The following MAGI1 variants were observed in gnomAD, a reference collection of about 807,000 sequenced individuals.
The protein encoded by MAGI1 is membrane associated guanylate kinase, WW and PDZ domain containing 1, also known as membrane-associated guanylate kinase, WW and PDZ domain-containing protein 1.
A neutral mutation model predicts 139.9 loss-of-function variants in MAGI1; 58 were observed. The observed-to-expected ratio is 0.41, with a 90% confidence interval of 0.34 to 0.52. The LOEUF is 0.52. Ranked by LOEUF, MAGI1 falls within the 20% of genes least tolerant of loss-of-function variation. The pLI is 0.12. For synonymous variants in MAGI1, 812 were observed against 737.9 expected (o/e 1.10, Z -1.63); for missense variants, 1,874 against 1,901.6 (o/e 0.99, Z 0.27).
In MAGI1 at chr3:65,437,260, A is replaced by G. The variant is rs1254057403; in HGVS notation, c.1271-13T>C. ...TCTTCTGTCCATTCTATGAAAAAGA[A>G]AAGAAAGTTTCCTATTTTTCCTTCA... On this transcript the variant is annotated splice_polypyrimidine_tract_variant and intron_variant, in intron 9 of 22. Coordinates refer to ENST00000402939, the MANE Select transcript of MAGI1 (RefSeq NM_001033057.2). 1.3e-6 allele frequency: 2 copies of G among 1,565,726 alleles called. No individual in the cohort carries two copies. The highest frequency in any genetic ancestry group is 2.7e-5 in the African/African-American group (2 of 73,558).
rs575258704 is a variant in MAGI1, at chr3:65,622,082, C to T, written c.320G>A (p.Arg107Lys). ...VTFKAVRQGG[R>K]LNKDLRHFLN... ...AAAATGTCGCAGGTCCTTGTTCAGC[C>T]TTCCTCCTGCAGGAAATACATAAAA... The change falls in exon 2 of 23, where the codon AGG becomes AAG. Residue 107 changes from arginine to lysine, a missense_variant. Around this residue, in one of 5 missense-constraint regions of MAGI1, gnomAD observed 648 missense variants for 598.1 expected, o/e 1.08. Transcript: ENST00000402939. 6.2e-7 allele frequency: 1 copy of T among 1,610,008 alleles called. No homozygotes were observed. The highest frequency in any genetic ancestry group is 8.5e-7 in the Non-Finnish European group (1 of 1,176,312).
At chr3:65,815,868 A>T (rs2041569524) in intron 1 of MAGI1, among the ~76,000 whole-genome samples, 1 of 152,104 alleles carries the variant, frequency 6.6e-6, no homozygotes, top group African/African-American at 2.4e-5. Context: ...ACCAAAAGCT[A>T]CTCAGCTAGT....
chr3:66,032,948 A>C (rs2068716783), intron 1 of MAGI1, among the ~76,000 whole-genome samples: 1 of 150,784 alleles, frequency 6.6e-6, no homozygotes, highest in Non-Finnish European at 1.5e-5. Context: ...CAACAACAAC[A>C]ACAGAAGATA....
At chr3:65,769,247 A>C (rs34984057) in intron 1 of MAGI1, among the ~76,000 whole-genome samples, 34,952 of 152,126 alleles carry the variant, frequency 0.23, 5,165 homozygotes, top group Non-Finnish European at 0.35. Flanking sequence ...TATGCATATA[A>C]TGGGGTTTTT....
intron 1 of MAGI1, among the ~76,000 whole-genome samples, chr3:65,751,077 T>G (rs1475833056): frequency 6.6e-6 from 1 of 152,352 alleles, no homozygotes; most frequent in East Asian, 1.9e-4. Flanking sequence ...ATGTGTTTAT[T>G]GTGTGCACAC....
intron 4 of MAGI1, among the ~76,000 whole-genome samples, chr3:65,477,934 C>T (rs868307706): frequency 6.6e-6 from 1 of 151,430 alleles, no homozygotes; most frequent in Non-Finnish European, 1.5e-5. Flanking sequence ...CATACCTAAG[C>T]TCGGAGGTAG....
chr3:65,798,732 G>T (rs1471598922), intron 1 of MAGI1, among the ~76,000 whole-genome samples: 4 of 152,150 alleles, frequency 2.6e-5, no homozygotes, highest in Admixed American at 2.6e-4. Context: ...TGCAGTTTCA[G>T]TTACCTACGG....
chr3:65,707,651 C>A (rs113418937), intron 1 of MAGI1, among the ~76,000 whole-genome samples: 34 of 144,676 alleles, frequency 2.4e-4, no homozygotes, highest in African/African-American at 8.0e-4. Flanking sequence ...GATGGGGTCA[C>A]TGCACGGCAA....
At chr3:65,966,780 CATAA>C (rs2064768349) in intron 1 of MAGI1, among the ~76,000 whole-genome samples, 1 of 152,156 alleles carries the variant, frequency 6.6e-6, no homozygotes, top group South Asian at 2.1e-4. Flanking sequence ...AGGCAATGTA[CATAA>C]AATGTCTGGC....
chr3:65,904,515 C>A (rs925431823), intron 1 of MAGI1, among the ~76,000 whole-genome samples: 6 of 152,170 alleles, frequency 3.9e-5, no homozygotes, highest in African/African-American at 1.4e-4. Context: ...CCTTCCCAAC[C>A]CAGCTCCCAC....
chr3:65,363,097 T>C (rs1185572136), intron 21 of MAGI1, among the ~76,000 whole-genome samples: 1 of 152,212 alleles, frequency 6.6e-6, no homozygotes, highest in African/African-American at 2.4e-5. Context: ...ATGGCTTTCC[T>C]GCTTTCTAAG....
chr3:65,825,205 T>C (rs538470153), intron 1 of MAGI1, among the ~76,000 whole-genome samples: 10 of 152,364 alleles, frequency 6.6e-5, no homozygotes, highest in African/African-American at 2.4e-4. Flanking sequence ...TTATAGCTTA[T>C]CAATTAAACA....
At chr3:66,005,652 G>A (rs2066976327) in intron 1 of MAGI1, among the ~76,000 whole-genome samples, 1 of 152,094 alleles carries the variant, frequency 6.6e-6, no homozygotes. Flanking sequence ...GTGTGTGAGT[G>A]GAAGGGGGGA....
intron 1 of MAGI1, among the ~76,000 whole-genome samples, chr3:65,849,170 T>C (rs1004676317): frequency 2.0e-5 from 3 of 151,736 alleles, no homozygotes; most frequent in Admixed American, 2.0e-4. Flanking sequence ...ATTACAGGCA[T>C]GTGCCACCAC....
chr3:65,711,729 C>T (rs534109516), intron 1 of MAGI1, among the ~76,000 whole-genome samples: 2 of 152,100 alleles, frequency 1.3e-5, no homozygotes, highest in Non-Finnish European at 2.9e-5. Flanking sequence ...GGTGAGGACA[C>T]AGAGGGATAA....
intron 5 of MAGI1, 118 bp downstream of exon 5, chr3:65,470,165 A>C: frequency 1.5e-6 from 1 of 647,174 alleles, no homozygotes; most frequent in South Asian, 2.1e-5. Flanking sequence ...TTATTAAAAA[A>C]TACCATCAGT....
At chr3:65,881,412 A>G (rs2060323269) in intron 1 of MAGI1, among the ~76,000 whole-genome samples, 3 of 152,168 alleles carry the variant, frequency 2.0e-5, no homozygotes, top group Admixed American at 2.0e-4. Context: ...GGATCACTCG[A>G]GGCCAGGAGT....
intron 2 of MAGI1, among the ~76,000 whole-genome samples, chr3:65,590,136 C>T (rs562829638): frequency 6.6e-6 from 1 of 152,248 alleles, no homozygotes; most frequent in South Asian, 2.1e-4. Context: ...ACTATGAAAT[C>T]TTCCCTGACC....
chr3:65,855,612 T>TAGGGAGGGGAGA (rs2059349173), intron 1 of MAGI1, among the ~76,000 whole-genome samples: 1 of 598 alleles, frequency 1.7e-3, no homozygotes, highest in African/African-American at 6.8e-3. Context: ...AGACGGGAGA[T>TAGGGAGGGGAGA]GGGGAGGAGA....
Sources: allele counts gnomAD v4.1 joint callset (sites outside exome capture counted in the v4.1 genomes callset), GRCh38; gene constraint gnomAD v4.1.1; regional missense constraint gnomAD v4.1.1; transcripts MANE v1.5; gene names NCBI Gene and HGNC (gene_info 2026-07-23, HGNC 2026-07-21).